The following PPARGC1A variants were observed in gnomAD, a reference collection of about 807,000 sequenced individuals.
PPARGC1A encodes PPARG coactivator 1 alpha.
Under a neutral mutation model 88.7 loss-of-function variants are expected in PPARGC1A, and 25 were observed. That is an observed-to-expected ratio of 0.28 (90% CI 0.21 to 0.39). The LOEUF is 0.39. PPARGC1A is among the 10% of genes least tolerant of loss of function. PPARGC1A has a pLI of 1.00. For missense variants in PPARGC1A, 880 were observed against 968.7 expected (o/e 0.91, Z 1.22); for synonymous variants, 363 against 355.6 (o/e 1.02, Z -0.24).
At chr4:24,470,277 GACACACACACACACACACACAC>G in the PPARGC1A span, among the ~76,000 whole-genome samples, 3 of 110,676 alleles carry the variant, frequency 2.7e-5, no homozygotes, top group Admixed American at 9.2e-5. This position sits in a 1 kb window ranked among gnomAD's most constrained non-coding sequence, Gnocchi z 5.8. Flanking sequence ...GACAGACACA[GACACACACACACACACACACAC>G]ACACACACAC....
At chr4:24,438,904 C>T in the PPARGC1A span, among the ~76,000 whole-genome samples, 6 of 151,472 alleles carry the variant, frequency 4.0e-5, no homozygotes, top group Non-Finnish European at 8.8e-5. Flanking sequence ...GGAGCACATA[C>T]CCCCAGAATG....
At chr4:23,826,455 T>G (rs1434746077) in intron 5 of PPARGC1A, among the ~76,000 whole-genome samples, 1 of 152,172 alleles carries the variant, frequency 6.6e-6, no homozygotes, top group Non-Finnish European at 1.5e-5. Context: ...CAACCATGGC[T>G]AGACAATCAT....
At chr4:24,345,524 T>A in the PPARGC1A span, among the ~76,000 whole-genome samples, 913 of 152,230 alleles carry the variant, frequency 6.0e-3, 9 homozygotes, top group Non-Finnish European at 0.011. Context: ...AGTTTAGTTT[T>A]GTTTTGTTTT....
At chr4:24,422,173 G>A in the PPARGC1A span, among the ~76,000 whole-genome samples, 2 of 152,168 alleles carry the variant, frequency 1.3e-5, no homozygotes, top group African/African-American at 4.8e-5. Flanking sequence ...TATCATCCAT[G>A]GCTGTTTTCA....
the PPARGC1A span, among the ~76,000 whole-genome samples, chr4:24,029,448 G>C: frequency 6.6e-6 from 1 of 152,158 alleles, no homozygotes; most frequent in African/African-American, 2.4e-5. Flanking sequence ...TTATCAGAAG[G>C]TTAAAGCAAA....
At chr4:24,266,976 A>T in the PPARGC1A span, among the ~76,000 whole-genome samples, 1 of 152,256 alleles carries the variant, frequency 6.6e-6, no homozygotes, top group East Asian at 1.9e-4. Context: ...TCCCTTGTTC[A>T]ACCAGAAGAC....
At chr4:24,350,762 G>A in the PPARGC1A span, among the ~76,000 whole-genome samples, 3 of 152,126 alleles carry the variant, frequency 2.0e-5, no homozygotes, top group Non-Finnish European at 4.4e-5. Context: ...AACATGGAGA[G>A]GGTAAAATTA....
At chr4:24,254,410 G>C in the PPARGC1A span, among the ~76,000 whole-genome samples, 1 of 152,264 alleles carries the variant, frequency 6.6e-6, no homozygotes, top group Non-Finnish European at 1.5e-5. Flanking sequence ...TACCAACCCA[G>C]AGAGGCACTC....
chr4:24,161,959 TATACACACACACACACACACAC>T, the PPARGC1A span, among the ~76,000 whole-genome samples: 20 of 118,832 alleles, frequency 1.7e-4, 1 homozygote, highest in African/African-American at 6.4e-4. Context: ...GAAATTGTGA[TATACACACACACACACACACAC>T]ACACACACAC....
the PPARGC1A span, among the ~76,000 whole-genome samples, chr4:24,027,527 CT>C: frequency 2.0e-5 from 3 of 152,230 alleles, no homozygotes; most frequent in Non-Finnish European, 2.9e-5. Flanking sequence ...TATTATCAGT[CT>C]TTTTTTCTGG....
chr4:23,918,897 A>G, the PPARGC1A span, among the ~76,000 whole-genome samples: 1 of 152,142 alleles, frequency 6.6e-6, no homozygotes, highest in Admixed American at 6.5e-5. Context: ...TTCCTATCCT[A>G]TACATTTCAT....
the PPARGC1A span, among the ~76,000 whole-genome samples, chr4:23,961,432 C>T: frequency 6.6e-6 from 1 of 152,066 alleles, no homozygotes; most frequent in Non-Finnish European, 1.5e-5. Context: ...AATGTATCTT[C>T]ATAACCTATT....
intron 2 of PPARGC1A, among the ~76,000 whole-genome samples, chr4:23,863,301 A>G (rs1478712792): frequency 6.6e-6 from 1 of 152,246 alleles, no homozygotes; most frequent in Middle Eastern, 3.4e-3. Flanking sequence ...ATGCCACCAG[A>G]TAACTTTTAA....
At chr4:24,424,258 C>CA in the PPARGC1A span, among the ~76,000 whole-genome samples, 2 of 44,346 alleles carry the variant, frequency 4.5e-5, no homozygotes, top group East Asian at 1.9e-3. Flanking sequence ...TATACACACA[C>CA]TTTTTTTTTT....
chr4:24,374,227 T>C, the PPARGC1A span, among the ~76,000 whole-genome samples: 1 of 152,174 alleles, frequency 6.6e-6, no homozygotes, highest in African/African-American at 2.4e-5. Flanking sequence ...TGGTATTTCT[T>C]TTCTTCTATC....
At chr4:23,911,840 A>G in the PPARGC1A span, among the ~76,000 whole-genome samples, 26 of 152,332 alleles carry the variant, frequency 1.7e-4, no homozygotes, top group African/African-American at 4.6e-4. Context: ...TGTACAATAC[A>G]GTATTTTTAA....
At chr4:24,457,250 G>A in the PPARGC1A span, among the ~76,000 whole-genome samples, 1 of 152,264 alleles carries the variant, frequency 6.6e-6, no homozygotes, top group East Asian at 1.9e-4. Context: ...AAAATCAGAT[G>A]TGGGGAGGGA....
chr4:24,387,850 A>G, the PPARGC1A span, among the ~76,000 whole-genome samples: 695 of 72,164 alleles, frequency 9.6e-3, 20 homozygotes, highest in African/African-American at 0.012. Context: ...GAGAGAGAGA[A>G]AGAGAGAAAG....
intron 2 of PPARGC1A, among the ~76,000 whole-genome samples, chr4:23,870,929 G>A (rs1713185733): frequency 6.6e-6 from 1 of 151,398 alleles, no homozygotes; most frequent in Non-Finnish European, 1.5e-5. Context: ...GGAAAAAAGT[G>A]GTATCCGTGT....
Sources: gnomAD v4.1 joint callset for allele counts (sites outside exome capture counted in the v4.1 genomes callset) on GRCh38, gnomAD v4.1.1 for gene constraint, Gnocchi (gnomAD v3.1) non-coding constraint, MANE v1.5 for transcripts, NCBI Gene and HGNC (gene_info 2026-07-23, HGNC 2026-07-21) for gene names.